Variants in SLIT2 observed in about 807,000 individuals in gnomAD.
SLIT2 encodes the protein slit guidance ligand 2, also known as slit homolog 2 protein.
SLIT2 carries 41 observed loss-of-function variants against 185.7 expected under a neutral mutation model. That is an observed-to-expected ratio of 0.22 (90% CI 0.17 to 0.29). The LOEUF is 0.29. SLIT2 is among the 10% of genes least tolerant of loss of function. The probability of loss-of-function intolerance (pLI) is 1.00; values close to 1 mark genes in which losing one functional copy is unlikely to be tolerated. For missense variants in SLIT2, 1,571 were observed against 1,909.0 expected (o/e 0.82, Z 3.30); for synonymous variants, 693 against 680.2 (o/e 1.02, Z -0.29).
At chr4:20,347,734 GTGA>G (rs1201747161) in intron 4 of SLIT2, among the ~76,000 whole-genome samples, 1 of 152,222 alleles carries the variant, frequency 6.6e-6, no homozygotes, top group Non-Finnish European at 1.5e-5. Flanking sequence ...CGAGAGAGCA[GTGA>G]TGAAGCAGAT....
chr4:20,316,544 A>C (rs1195057758), intron 4 of SLIT2, among the ~76,000 whole-genome samples: 2 of 151,884 alleles, frequency 1.3e-5, no homozygotes, highest in Middle Eastern at 3.2e-3. Context: ...TCTACTAAAA[A>C]CACTTCCATT....
chr4:20,319,702 G>C (rs948958957), intron 4 of SLIT2, among the ~76,000 whole-genome samples: 2 of 150,980 alleles, frequency 1.3e-5, no homozygotes, highest in African/African-American at 4.8e-5. Flanking sequence ...AATGAAATGA[G>C]TTTGCAAATA....
rs1467812506 is a variant in SLIT2 at position 20,252,467 on chromosome 4, G to C, written c.-1349G>C. 6.6e-6 allele frequency among the ~76,000 whole-genome samples: 1 copy of C among 152,200 alleles called. No homozygotes were observed. Among genetic ancestry groups the C allele is most frequent in the Non-Finnish European group, 1.5e-5 (1 of 68,044 alleles). On this transcript the variant is annotated 5_prime_UTR_variant, in exon 1 of 37. Transcript: ENST00000504154. ...CGCGTCAGGTGCAGCGCCAGGAGCC[G>C]GGCGGCGTCGCCACGCCGGCAGGGG... is the stretch of plus-strand genomic sequence containing the variant.
intron 4 of SLIT2, among the ~76,000 whole-genome samples, chr4:20,328,190 A>G (rs1350252239): frequency 1.3e-5 from 2 of 152,086 alleles, no homozygotes. Flanking sequence ...TCAAATTGTA[A>G]GTAAATTTTG....
intron 4 of SLIT2, among the ~76,000 whole-genome samples, chr4:20,363,196 A>C (rs1359378600): frequency 6.6e-6 from 1 of 152,188 alleles, no homozygotes; most frequent in African/African-American, 2.4e-5. Flanking sequence ...AAATTAGAGA[A>C]TACAAATATT....
At chr4:20,300,621 CAA>C (rs1716950833) in intron 4 of SLIT2, among the ~76,000 whole-genome samples, 1 of 140,292 alleles carries the variant, frequency 7.1e-6, no homozygotes, top group Admixed American at 7.1e-5. Context: ...CACACACACA[CAA>C]ATATAGACAT....
chr4:20,373,742 G>A (rs1723783400), intron 4 of SLIT2, among the ~76,000 whole-genome samples: 1 of 152,050 alleles, frequency 6.6e-6, no homozygotes, highest in Non-Finnish European at 1.5e-5. Flanking sequence ...TGCATATCCT[G>A]CAGGAGCTTA....
chr4:20,569,444 A>G (rs1488964581), intron 29 of SLIT2, among the ~76,000 whole-genome samples: 1 of 152,008 alleles, frequency 6.6e-6, no homozygotes, highest in Admixed American at 6.6e-5. Context: ...CTAGTAACCC[A>G]TGTCCCTCAA....
At chr4:20,548,841 G>C (rs1723483367) in intron 23 of SLIT2, among the ~76,000 whole-genome samples, 2 of 152,150 alleles carry the variant, frequency 1.3e-5, no homozygotes, top group South Asian at 4.1e-4. Context: ...ACGCACCAAA[G>C]TTGGGCAGGA....
chr4:20,553,838 T>C lies in SLIT2; in HGVS notation c.2595T>C (p.Cys865=). 1.9e-6 allele frequency: 3 copies of C among 1,593,938 alleles called. No individual in the cohort carries two copies. Among genetic ancestry groups the C allele is most frequent in the Non-Finnish European group, 1.7e-6 (2 of 1,174,206 alleles). ...AIGANPLYCD[C]NMQWLSDWVK... is the part of the protein sequence containing the mutation. ...GAGCCAACCCTCTTTACTGTGATTG[T>C]AACATGCAGTGGTTATCCGACTGGG... Residue 865 remains cysteine, a synonymous_variant, in exon 26 of 37, where the codon TGT becomes TGC. Coordinates refer to ENST00000504154, the MANE Select transcript of SLIT2 (RefSeq NM_004787.4).
In SLIT2 at chr4:20,490,896, T is replaced by C. The variant is rs573714310; in HGVS notation, c.776-865T>C. The C allele has an allele frequency of 2.4e-5, 26 of 1,086,304 alleles. No individual in the cohort carries two copies. The East Asian group carries it at 6.5e-4, about 27-fold the overall frequency. The allele number at this position is 1,086,304 out of a possible 1,614,324, so 67.3% of individuals were successfully genotyped here. On this transcript the variant is annotated intron_variant, in intron 8 of 36. Coordinates refer to ENST00000504154, the MANE Select transcript of SLIT2 (RefSeq NM_004787.4). The stretch of plus-strand genomic sequence containing the variant: ...TAGAGGGATAGAATTAGCAGCTGGC[T>C]TGCAGCCTCTTCCTGGCACGTCACC...
At chr4:20,368,606 A>G (rs1027161398) in intron 4 of SLIT2, among the ~76,000 whole-genome samples, 20 of 152,144 alleles carry the variant, frequency 1.3e-4, no homozygotes, top group African/African-American at 4.1e-4. Flanking sequence ...AAATTTGAAC[A>G]CCTGTGCAGG....
At position 20,254,052 on chromosome 4, in the gene SLIT2, C is replaced by T. The variant is rs1022563187; in HGVS notation, c.179+58C>T. The T allele has an allele frequency of 6.5e-7, 1 of 1,532,314 alleles. No individual in the cohort carries two copies. Among genetic ancestry groups the T allele is most frequent in the African/African-American group, 1.4e-5 (1 of 73,508 alleles). 94.9% of individuals were successfully genotyped at this position (1,532,314 alleles called of 1,614,324 possible). A position where few individuals can be genotyped will look rare whatever the true frequency, so the allele number is the denominator to read the frequency against. ...CATCCGGGCCGCGCACCCCTGCCTC[C>T]ACTGGAGGAACCTGTCAGCTCAGGG... On this transcript the variant is annotated intron_variant, in intron 1 of 36. Coordinates refer to ENST00000504154, the MANE Select transcript of SLIT2 (RefSeq NM_004787.4). This position sits in a 1 kb window ranked among gnomAD's most constrained non-coding sequence, Gnocchi z 5.1.
At chr4:20,413,559 T>C (rs1043424001) in intron 4 of SLIT2, among the ~76,000 whole-genome samples, 4 of 152,114 alleles carry the variant, frequency 2.6e-5, no homozygotes, top group African/African-American at 9.6e-5. Flanking sequence ...CCAACTATAA[T>C]TTATAAATTG....
At chr4:20,298,121 T>A (rs1321318838) in intron 4 of SLIT2, among the ~76,000 whole-genome samples, 3 of 150,894 alleles carry the variant, frequency 2.0e-5, no homozygotes, top group Admixed American at 1.3e-4. Flanking sequence ...AGAATTTCCC[T>A]CTTGCTGCCC....
chr4:20,420,052 AC>A (rs2072222979), intron 4 of SLIT2, among the ~76,000 whole-genome samples: 1 of 152,176 alleles, frequency 6.6e-6, no homozygotes, highest in Non-Finnish European at 1.5e-5. Context: ...GTAGATTTGA[AC>A]AATAAATGAT....
intron 4 of SLIT2, among the ~76,000 whole-genome samples, chr4:20,335,218 G>A (rs758704735): frequency 2.6e-5 from 4 of 152,114 alleles, no homozygotes; most frequent in African/African-American, 4.8e-5. Context: ...CAGGGAGCTT[G>A]AGTGATTCAT....
intron 19 of SLIT2, among the ~76,000 whole-genome samples, chr4:20,540,089 G>T (rs1302991537): frequency 6.6e-6 from 1 of 151,988 alleles, no homozygotes; most frequent in Non-Finnish European, 1.5e-5. Flanking sequence ...TTCGAGACCA[G>T]CCTGGCCAAC....
At chr4:20,609,787 T>A (rs185246817) in intron 33 of SLIT2, among the ~76,000 whole-genome samples, 107 of 152,304 alleles carry the variant, frequency 7.0e-4, no homozygotes, top group African/African-American at 2.4e-3. Context: ...CTTCTTGTCA[T>A]AAAAGAACAA....
Sources: gnomAD v4.1 joint callset for allele counts (sites outside exome capture counted in the v4.1 genomes callset) on GRCh38, gnomAD v4.1.1 for gene constraint, Gnocchi (gnomAD v3.1) non-coding constraint, MANE v1.5 for transcripts, NCBI Gene and HGNC (gene_info 2026-07-23, HGNC 2026-07-21) for gene names.